The following SPIDR variants were observed in gnomAD, a reference collection of about 807,000 sequenced individuals.
SPIDR encodes DNA repair-scaffolding protein.
SPIDR carries 93 observed loss-of-function variants against 104.6 expected under a neutral mutation model. The ratio of observed to expected loss-of-function variants is 0.89; its 90% CI spans 0.75 to 1.06. The LOEUF (loss-of-function observed/expected upper bound fraction) is 1.06. Among genes scored for constraint, SPIDR ranks in the 50% least tolerant of loss-of-function variants. The pLI is 0.00. For missense variants in SPIDR, 1,154 were observed against 1,111.2 expected (o/e 1.04, Z -0.55); for synonymous variants, 431 against 416.9 (o/e 1.03, Z -0.41).
Position 47,592,081 on chromosome 8 carries a change from A to G in SPIDR, c.1098-3730A>G, listed in dbSNP as rs558773441. ...TCTAAGACTGTGTCCATTAAATGCA[A>G]ACAAAAAGGAGGAAGTCTTGGCAGA... On this transcript the variant is annotated intron_variant, in intron 8 of 19. Transcript: ENST00000297423. 1.6e-4 allele frequency: 191 copies of G among 1,210,240 alleles called. 1 individual carries two copies. In the East Asian group the frequency reaches 4.3e-3, roughly 27 times the overall value. The allele number at this position is 1,210,240 out of a possible 1,614,324, so 75.0% of individuals were successfully genotyped here.
chr8:47,301,297 T>TG (rs1386370961), intron 5 of SPIDR, among the ~76,000 whole-genome samples: 2 of 152,118 alleles, frequency 1.3e-5, no homozygotes, highest in Non-Finnish European at 2.9e-5. Context: ...TCCATTTCCT[T>TG]GTAGATCTTC....
Position 47,729,004 on chromosome 8 carries a change from T to C in SPIDR, c.2507T>C (p.Phe836Ser). ...GTTCTCAAGAGGCACCTGCAGGTCT[T>C]CCTGGACTGCCGCTCAAGACCGCAG... Reference protein sequence around the residue: ...SPVLKRHLQVFLDCRSRPQCR... With the variant: ...SPVLKRHLQVSLDCRSRPQCR... Residue 836 changes from phenylalanine (F) to serine (S), a missense_variant, in exon 18 of 20, where the codon TTC (phenylalanine) becomes TCC (serine). By Grantham distance (155) the Phe-to-Ser change is radical. Coordinates refer to ENST00000297423, the MANE Select transcript of SPIDR (RefSeq NM_001080394.4). The C allele has an allele frequency of 6.2e-7, 1 of 1,614,000 alleles. No individual in the cohort carries two copies. Among genetic ancestry groups the C allele is most frequent in the Non-Finnish European group, 8.5e-7 (1 of 1,180,016 alleles).
intron 8 of SPIDR, among the ~76,000 whole-genome samples, chr8:47,588,802 G>A (rs868034746): frequency 2.6e-5 from 4 of 152,240 alleles, no homozygotes; most frequent in African/African-American, 9.6e-5. Context: ...ATTATGTCAA[G>A]TGGTTTTTTC....
intron 8 of SPIDR, among the ~76,000 whole-genome samples, chr8:47,588,393 C>A (rs1449295391): frequency 6.6e-6 from 1 of 150,792 alleles, no homozygotes; most frequent in Non-Finnish European, 1.5e-5. Context: ...AATTCATTGA[C>A]AATATGTAGA....
chr8:47,320,723 G>A (rs187905367), intron 5 of SPIDR, among the ~76,000 whole-genome samples: 1 of 152,136 alleles, frequency 6.6e-6, no homozygotes, highest in African/African-American at 2.4e-5. Flanking sequence ...ACCAAATCCA[G>A]CATCACATGG....
chr8:47,343,951 T>C (rs1587372267), intron 5 of SPIDR, among the ~76,000 whole-genome samples: 1 of 152,048 alleles, frequency 6.6e-6, no homozygotes, highest in East Asian at 1.9e-4. Context: ...TTTATGTATT[T>C]TGTTGGCTTT....
chr8:47,684,933 C>T (rs1358540128), intron 11 of SPIDR, among the ~76,000 whole-genome samples: 2 of 152,160 alleles, frequency 1.3e-5, no homozygotes, highest in East Asian at 3.8e-4. Context: ...ATAAAAGAAA[C>T]CAAATGGGCC....
intron 10 of SPIDR, among the ~76,000 whole-genome samples, chr8:47,669,080 C>T (rs562479253): frequency 5.1e-4 from 77 of 152,284 alleles, no homozygotes; most frequent in Non-Finnish European, 9.3e-4. Flanking sequence ...TGAGTAAGTT[C>T]AAGCTCATAC....
chr8:47,415,615 T>C (rs1452641653), intron 7 of SPIDR, among the ~76,000 whole-genome samples: 1 of 152,160 alleles, frequency 6.6e-6, no homozygotes, highest in Non-Finnish European at 1.5e-5. Flanking sequence ...AGCTAGCTCA[T>C]CCTTCCACTG....
chr8:47,686,877 G>A (rs2077895613), intron 11 of SPIDR, among the ~76,000 whole-genome samples: 1 of 151,348 alleles, frequency 6.6e-6, no homozygotes, highest in South Asian at 2.1e-4. Flanking sequence ...ATTGTCTTGA[G>A]TAACTAGGAG....
intron 6 of SPIDR, among the ~76,000 whole-genome samples, chr8:47,402,382 A>G (rs1289758034): frequency 1.3e-5 from 2 of 152,182 alleles, no homozygotes; most frequent in African/African-American, 4.8e-5. Context: ...GATAGAGACA[A>G]AAAACCCTTC....
intron 5 of SPIDR, among the ~76,000 whole-genome samples, chr8:47,378,872 C>T (rs1180675184): frequency 6.6e-6 from 1 of 152,184 alleles, no homozygotes; most frequent in African/African-American, 2.4e-5. Flanking sequence ...ATTTGCTTTA[C>T]AGTTGAGTGT....
intron 1 of SPIDR, among the ~76,000 whole-genome samples, chr8:47,268,247 G>A (rs1264896855): frequency 6.6e-6 from 1 of 152,114 alleles, no homozygotes; most frequent in Non-Finnish European, 1.5e-5. Context: ...ACTGTAACTT[G>A]GCAGTGTTGA....
At chr8:47,639,622 G>T (rs2068520821) in intron 10 of SPIDR, among the ~76,000 whole-genome samples, 1 of 152,208 alleles carries the variant, frequency 6.6e-6, no homozygotes, top group African/African-American at 2.4e-5. Context: ...TTCAGGCCCA[G>T]TGATGAATCT....
chr8:47,406,758 A>G (rs1339779166), intron 6 of SPIDR, among the ~76,000 whole-genome samples: 2 of 152,198 alleles, frequency 1.3e-5, no homozygotes, highest in African/African-American at 4.8e-5. Context: ...CACGTGCTGC[A>G]CTAAGTCCAT....
intron 11 of SPIDR, among the ~76,000 whole-genome samples, chr8:47,696,857 T>G (rs1439466147): frequency 6.6e-6 from 1 of 152,218 alleles, no homozygotes; most frequent in East Asian, 1.9e-4. Flanking sequence ...CCGTGGAAGG[T>G]GGACAGTGTC....
rs371855858 is a variant in SPIDR, at chr8:47,298,535, G to A, written c.525+4505G>A. 1.8e-4 allele frequency among the ~76,000 whole-genome samples: 27 copies of A among 152,164 alleles called. No homozygotes were observed. In the South Asian group the frequency reaches 4.8e-3, roughly 27 times the overall value. ...AGACATGAAGTCCTTGCCCATGCCT[G>A]TGTCCTGAATGGTATTGCCTAGGTT... On this transcript the variant is annotated intron_variant, in intron 5 of 19. Coordinates refer to ENST00000297423, the MANE Select transcript of SPIDR (RefSeq NM_001080394.4).
chr8:47,517,919 A>G (rs988998428), intron 8 of SPIDR, among the ~76,000 whole-genome samples: 1 of 152,174 alleles, frequency 6.6e-6, no homozygotes, highest in African/African-American at 2.4e-5. Context: ...CTCCTATTGT[A>G]TATTATATTC....
intron 10 of SPIDR, among the ~76,000 whole-genome samples, chr8:47,610,543 C>G (rs1268628665): frequency 6.6e-6 from 1 of 152,234 alleles, no homozygotes; most frequent in Non-Finnish European, 1.5e-5. Context: ...CTACTCTGCC[C>G]TCTCTCCCAG....
Sources: allele counts gnomAD v4.1 joint callset (sites outside exome capture counted in the v4.1 genomes callset), GRCh38; gene constraint gnomAD v4.1.1; transcripts MANE v1.5; gene names NCBI Gene and HGNC (gene_info 2026-07-23, HGNC 2026-07-21).